ZFHX3: variants seen among roughly 807,000 people sequenced by gnomAD.
ZFHX3 encodes the protein zinc finger homeobox protein 3.
In ZFHX3, 42 loss-of-function variants were observed where a neutral mutation model predicts 279.1. The ratio of observed to expected loss-of-function variants is 0.15; its 90% confidence interval spans 0.12 to 0.19. The LOEUF (loss-of-function observed/expected upper bound fraction) is 0.19. ZFHX3 is among the 10% of genes least tolerant of loss of function. ZFHX3 has a pLI of 1.00. For synonymous variants in ZFHX3, 2,293 were observed against 1,957.8 expected (o/e 1.17, Z -4.52); for missense variants, 4,981 against 4,754.0 (o/e 1.05, Z -1.40).
chr16:73,217,152 G>GGGAGCA (rs2012240268), intron 5 of ZFHX3, among the ~76,000 whole-genome samples: 1 of 152,192 alleles, frequency 6.6e-6, no homozygotes. Context: ...ATGAGTCAGA[G>GGGAGCA]GGAGCAGGGC....
chr16:73,238,000 C>T (rs1407274556), intron 5 of ZFHX3, among the ~76,000 whole-genome samples: 1 of 152,152 alleles, frequency 6.6e-6, no homozygotes, highest in Non-Finnish European at 1.5e-5. Context: ...TAAAACTGCT[C>T]TAAGTCATTA....
At chr16:73,575,240 C>G (rs888602898) in intron 2 of ZFHX3, among the ~76,000 whole-genome samples, 1 of 152,208 alleles carries the variant, frequency 6.6e-6, no homozygotes, top group Non-Finnish European at 1.5e-5. Flanking sequence ...AGGATTCCAA[C>G]TAATTTGTCC....
At chr16:73,730,792 G>A (rs369623361) in intron 1 of ZFHX3, among the ~76,000 whole-genome samples, 33 of 152,220 alleles carry the variant, frequency 2.2e-4, no homozygotes, top group African/African-American at 7.9e-4. Context: ...AACATCCATG[G>A]CCACCATTTT....
At chr16:73,553,479 T>C (rs1301955906) in intron 2 of ZFHX3, among the ~76,000 whole-genome samples, 1 of 152,066 alleles carries the variant, frequency 6.6e-6, no homozygotes, top group Non-Finnish European at 1.5e-5. Context: ...ATCTAAAAGG[T>C]GAGCAGAGTC....
chr16:73,630,789 C>T (rs1046076558), intron 2 of ZFHX3, among the ~76,000 whole-genome samples: 1 of 152,150 alleles, frequency 6.6e-6, no homozygotes, highest in Non-Finnish European at 1.5e-5. Context: ...CTTGTAATTT[C>T]CTGGTTGTTT....
intron 2 of ZFHX3, among the ~76,000 whole-genome samples, chr16:73,510,408 C>T (rs1421582319): frequency 6.6e-6 from 1 of 152,112 alleles, no homozygotes; most frequent in Non-Finnish European, 1.5e-5. Flanking sequence ...TGCCAGCATA[C>T]TTTATTACTT....
chr16:72,958,248 TCCC>T lies in ZFHX3; in HGVS notation c.1895_1897del (p.Gly632del). 1 of 1,613,178 alleles carries T rather than the reference TCCC, an allele frequency of 6.2e-7. No individual in the cohort carries two copies. The highest frequency in any genetic ancestry group is 8.5e-7 in the Non-Finnish European group (1 of 1,179,210). ...CTCCACGCCACTCCCCGAGGGGCAC[TCCC>T]CAACCCCAAGCTCGCAGAGGGAGCC... On this transcript the variant is annotated inframe_deletion, in exon 2 of 10. Coordinates refer to ENST00000268489, the MANE Select transcript of ZFHX3 (RefSeq NM_006885.4).
chr16:73,175,177 C>T lies in ZFHX3; in HGVS notation c.-1103-31346G>A, dbSNP rs1221835930. On this transcript the variant is annotated intron_variant, in intron 5 of 17. Transcript: ENST00000641206. The stretch of plus-strand genomic sequence containing the variant: ...GGCGGATTACTTGAGGTCAGGAGTT[C>T]GAGACCAGCCTGGCCAACATGGTGA... Among the ~76,000 whole-genome samples, 6 of 152,012 alleles carry T rather than the reference C, an allele frequency of 3.9e-5. 1 individual carries two copies. The highest frequency in any genetic ancestry group is 3.3e-4 in the Admixed American group (5 of 15,252).
intron 2 of ZFHX3, among the ~76,000 whole-genome samples, chr16:73,571,882 C>T (rs2051740747): frequency 6.6e-6 from 1 of 151,994 alleles, no homozygotes; most frequent in African/African-American, 2.4e-5. Flanking sequence ...ACTGTAAATA[C>T]ATAATTCATA....
intron 3 of ZFHX3, among the ~76,000 whole-genome samples, chr16:73,378,095 G>A (rs2016756498): frequency 7.4e-6 from 1 of 134,274 alleles, no homozygotes; most frequent in Non-Finnish European, 1.5e-5. Context: ...TATGTCCTTA[G>A]TTAGGATTAA....
intron 2 of ZFHX3, among the ~76,000 whole-genome samples, chr16:73,660,730 CA>C (rs1478511296): frequency 1.3e-5 from 2 of 151,986 alleles, no homozygotes; most frequent in Non-Finnish European, 2.9e-5. Context: ...TCTTTTTCAT[CA>C]AAAACAAAAT....
intron 5 of ZFHX3, among the ~76,000 whole-genome samples, chr16:73,235,993 A>G (rs920577809): frequency 6.6e-6 from 1 of 152,150 alleles, no homozygotes. Context: ...TCTTTTAAAA[A>G]CCATCTATGA....
chr16:73,291,120 G>C (rs1240357753), intron 4 of ZFHX3, among the ~76,000 whole-genome samples: 1 of 152,198 alleles, frequency 6.6e-6, no homozygotes, highest in Non-Finnish European at 1.5e-5. Context: ...AGTTTGTGAA[G>C]CTGATGACCA....
At chr16:73,473,274 C>T (rs2018701054) in intron 2 of ZFHX3, among the ~76,000 whole-genome samples, 1 of 139,262 alleles carries the variant, frequency 7.2e-6, no homozygotes, top group Non-Finnish European at 1.5e-5. Context: ...GAGGCTGAGG[C>T]TGCAGTGAGC....
chr16:73,219,105 T>C (rs1597226337), intron 5 of ZFHX3, among the ~76,000 whole-genome samples: 1 of 152,238 alleles, frequency 6.6e-6, no homozygotes, highest in Admixed American at 6.5e-5. Flanking sequence ...TTCATTCGTA[T>C]TGAAGCATGT....
chr16:73,350,732 T>C (rs1414469937), intron 3 of ZFHX3, among the ~76,000 whole-genome samples: 1 of 152,212 alleles, frequency 6.6e-6, no homozygotes, highest in Non-Finnish European at 1.5e-5. Context: ...TTGGCTGCTG[T>C]TTATGGTCCT....
At chr16:73,434,017 C>T (rs1423726) in intron 3 of ZFHX3, among the ~76,000 whole-genome samples, 32,266 of 152,052 alleles carry the variant, frequency 0.21, 3,727 homozygotes, top group Admixed American at 0.37. Flanking sequence ...GAAGAGGAGG[C>T]GTCCTTTGTG....
At position 72,997,187 on chromosome 16, in the gene ZFHX3, G is replaced by A. The variant is rs183686370; in HGVS notation, c.-49-36993C>T. 1.0e-3 allele frequency among the ~76,000 whole-genome samples: 159 copies of A among 152,250 alleles called. 1 individual carries two copies. Among genetic ancestry groups the A allele is most frequent in the Non-Finnish European group, 1.7e-3 (116 of 68,006 alleles). The stretch of plus-strand genomic sequence containing the variant: ...AGGTTCTGTGGGAATCTGCTCTATC[G>A]CTCCCATCTGTCACTGGCGGGGTAA... On this transcript the variant is annotated intron_variant, in intron 1 of 9. Coordinates refer to ENST00000268489, the MANE Select transcript of ZFHX3 (RefSeq NM_006885.4).
At chr16:73,157,465 T>TTAAAA (rs1346539597) in intron 5 of ZFHX3, among the ~76,000 whole-genome samples, 11 of 76,520 alleles carry the variant, frequency 1.4e-4, no homozygotes, top group Non-Finnish European at 1.4e-4. Context: ...GAATGTTTGG[T>TTAAAA]AAAAAAAAAA....
Sources: allele counts gnomAD v4.1 joint callset (sites outside exome capture counted in the v4.1 genomes callset), GRCh38; gene constraint gnomAD v4.1.1; transcripts MANE v1.5; gene names NCBI Gene and HGNC (gene_info 2026-07-23, HGNC 2026-07-21).